CCSER1: variants seen among roughly 807,000 people sequenced by gnomAD.
CCSER1 encodes serine-rich coiled-coil domain-containing protein 1.
A neutral mutation model predicts 82.0 loss-of-function variants in CCSER1; 41 were observed. The observed-to-expected ratio is 0.50, with a 90% CI of 0.39 to 0.65. CCSER1 has a LOEUF of 0.65. Ranked by LOEUF, CCSER1 falls within the 30% of genes least tolerant of loss-of-function variation. The pLI is 0.00. For synonymous variants in CCSER1, 414 were observed against 383.9 expected, an observed-to-expected ratio of 1.08 and a Z score of -0.92; for missense variants, 1,119 against 1,064.2, an observed-to-expected ratio of 1.05 and a Z score of -0.72.
chr4:90,591,801 T>C (rs113327593), intron 5 of CCSER1, among the ~76,000 whole-genome samples: 2 of 152,204 alleles, frequency 1.3e-5, no homozygotes, highest in African/African-American at 4.8e-5. Context: ...CCATCAGTGA[T>C]AGACCGGATA....
intron 4 of CCSER1, among the ~76,000 whole-genome samples, chr4:90,438,522 T>G (rs1389987484): frequency 6.6e-6 from 1 of 152,114 alleles, no homozygotes; most frequent in African/African-American, 2.4e-5. Flanking sequence ...ACCTGATTAG[T>G]ACTATAGTAG....
chr4:91,319,965 C>T (rs760872974), intron 10 of CCSER1, among the ~76,000 whole-genome samples: 8 of 152,112 alleles, frequency 5.3e-5, no homozygotes, highest in Non-Finnish European at 1.0e-4. Context: ...CAGAGTAGCG[C>T]GATGAAATCC....
chr4:91,478,213 T>A (rs1757698833), intron 10 of CCSER1, among the ~76,000 whole-genome samples: 1 of 151,952 alleles, frequency 6.6e-6, no homozygotes, highest in Admixed American at 6.6e-5. Flanking sequence ...ATTATTTCTA[T>A]AAAATATAAT....
At chr4:91,153,275 G>C (rs1363352893) in intron 10 of CCSER1, among the ~76,000 whole-genome samples, 2 of 151,752 alleles carry the variant, frequency 1.3e-5, no homozygotes, top group Admixed American at 1.3e-4. Flanking sequence ...TTCAATTACT[G>C]ATACCCTTTC....
intron 4 of CCSER1, among the ~76,000 whole-genome samples, chr4:90,445,597 G>C (rs964647643): frequency 1.3e-5 from 2 of 152,084 alleles, no homozygotes; most frequent in African/African-American, 4.8e-5. Flanking sequence ...TGCAGGAAAT[G>C]CCATTCTTAA....
chr4:91,413,951 T>G (rs1001594516), intron 10 of CCSER1, among the ~76,000 whole-genome samples: 8 of 152,198 alleles, frequency 5.3e-5, no homozygotes, highest in African/African-American at 1.9e-4. Context: ...AAAAGTGGTC[T>G]TTCATACGTG....
chr4:90,409,074 T>C (rs1420135019), intron 4 of CCSER1, among the ~76,000 whole-genome samples: 1 of 151,920 alleles, frequency 6.6e-6, no homozygotes, highest in African/African-American at 2.4e-5. Context: ...AAGAGAAGTT[T>C]AGAGAAAAAA....
At chr4:90,669,658 G>A (rs887681272) in intron 6 of CCSER1, among the ~76,000 whole-genome samples, 4 of 152,152 alleles carry the variant, frequency 2.6e-5, no homozygotes, top group South Asian at 2.1e-4. Context: ...TAAGTTTTAG[G>A]AGTCGTTGAC....
chr4:91,137,691 A>G (rs1206221778), intron 10 of CCSER1, among the ~76,000 whole-genome samples: 3 of 151,128 alleles, frequency 2.0e-5, no homozygotes, highest in Admixed American at 2.0e-4. Flanking sequence ...CTGACTTTTT[A>G]ATGATTGCCA....
intron 8 of CCSER1, among the ~76,000 whole-genome samples, chr4:90,914,281 T>G (rs907978181): frequency 2.0e-5 from 3 of 152,048 alleles, no homozygotes; most frequent in Non-Finnish European, 4.4e-5. Context: ...GAACAGAAAT[T>G]ATAGCAAACT....
chr4:91,527,031 T>C lies in CCSER1; in HGVS notation c.2218-71541T>C, dbSNP rs148148984. Among the ~76,000 whole-genome samples, 171 of 136,118 alleles carry C rather than the reference T, an allele frequency of 1.3e-3. 3 individuals are homozygous for C. In the East Asian group the frequency reaches 0.037, roughly 29 times the overall value. 89.3% of individuals were successfully genotyped at this position (136,118 alleles called of 152,430 possible). ...ATCTCATCAAAAGAAGTAATGACAA[T>C]GGACACAATAGAATTAAATAAAGTA... On this transcript the variant is annotated intron_variant, in intron 10 of 10. Coordinates refer to ENST00000509176, the MANE Select transcript of CCSER1 (RefSeq NM_001145065.2).
chr4:90,958,226 G>A (rs1179314323), intron 9 of CCSER1, among the ~76,000 whole-genome samples: 10 of 152,106 alleles, frequency 6.6e-5, no homozygotes, highest in Admixed American at 3.9e-4. Context: ...ATGGTCAAGG[G>A]CAATGTAACT....
chr4:91,490,586 A>G lies in CCSER1; in HGVS notation c.2218-107986A>G, dbSNP rs145004193. Among the ~76,000 whole-genome samples, 136 of 151,972 alleles carry G rather than the reference A, an allele frequency of 8.9e-4. 1 individual carries two copies. The highest frequency in any genetic ancestry group is 3.4e-3 in the Middle Eastern group (1 of 294). On this transcript the variant is annotated intron_variant, in intron 10 of 10. Coordinates refer to ENST00000509176, the MANE Select transcript of CCSER1 (RefSeq NM_001145065.2). ...GATTGAAAGTAGAATGATGGTTACC[A>G]GAGGCTGGGAAAAGGTATTGGGGTG... is the stretch of plus-strand genomic sequence containing the variant.
At chr4:91,133,369 C>T (rs564883719) in intron 10 of CCSER1, among the ~76,000 whole-genome samples, 32 of 152,064 alleles carry the variant, frequency 2.1e-4, no homozygotes, top group Admixed American at 1.5e-3. Flanking sequence ...AGGAGTCATT[C>T]GGGTGAGGAA....
chr4:91,585,463 C>T (rs1256531048), intron 10 of CCSER1, among the ~76,000 whole-genome samples: 1 of 151,410 alleles, frequency 6.6e-6, no homozygotes, highest in Non-Finnish European at 1.5e-5. Flanking sequence ...ACAGAGCACA[C>T]TGTCTAAATT....
intron 10 of CCSER1, among the ~76,000 whole-genome samples, chr4:91,488,560 C>A (rs1450198166): frequency 6.6e-6 from 1 of 152,126 alleles, no homozygotes; most frequent in Non-Finnish European, 1.5e-5. Context: ...TTGCTGTTCT[C>A]AGGATAGTGA....
chr4:90,163,522 C>T (rs1729875313), intron 1 of CCSER1, among the ~76,000 whole-genome samples: 1 of 151,702 alleles, frequency 6.6e-6, no homozygotes, highest in South Asian at 2.1e-4. Flanking sequence ...GTTATAAACC[C>T]ACATTTTTTA....
At chr4:90,637,065 T>G (rs1725555126) in intron 6 of CCSER1, among the ~76,000 whole-genome samples, 1 of 152,164 alleles carries the variant, frequency 6.6e-6, no homozygotes, top group African/African-American at 2.4e-5. Context: ...AATCAATATT[T>G]GTTATTTCAA....
intron 8 of CCSER1, among the ~76,000 whole-genome samples, chr4:90,889,455 G>C (rs1297675264): frequency 6.6e-6 from 1 of 152,118 alleles, no homozygotes; most frequent in Non-Finnish European, 1.5e-5. Flanking sequence ...TCCTTACTCA[G>C]ATGATTAATT....
Sources: allele counts gnomAD v4.1 joint callset (sites outside exome capture counted in the v4.1 genomes callset), GRCh38; gene constraint gnomAD v4.1.1; transcripts MANE v1.5; gene names NCBI Gene and HGNC (gene_info 2026-07-23, HGNC 2026-07-21).